Variants in VPS37B observed in about 807,000 individuals in gnomAD.
The protein encoded by VPS37B is vacuolar protein sorting-associated protein 37B.
Under a neutral mutation model 21.2 loss-of-function variants are expected in VPS37B, and 11 were observed. That is an observed-to-expected ratio of 0.52 (90% CI 0.33 to 0.86). The LOEUF (loss-of-function observed/expected upper bound fraction) is 0.86. VPS37B is among the 40% of genes least tolerant of loss of function. VPS37B has a pLI of 0.03. For missense variants in VPS37B, 389 were observed against 374.8 expected, an observed-to-expected ratio of 1.04 and a Z score of -0.31; for synonymous variants, 175 against 159.6, an observed-to-expected ratio of 1.10 and a Z score of -0.73.
rs562398075 is a variant in VPS37B, at chr12:122,894,531, G to A, written c.111+1421C>T. 2.6e-5 allele frequency among the ~76,000 whole-genome samples: 4 copies of A among 152,322 alleles called. No individual in the cohort carries two copies. In the South Asian group the frequency reaches 8.3e-4, roughly 32 times the overall value. ...TCCCTCTTCGGAAAGAAAGCCAAAA[G>A]CCCCCACACGGGCTCCTGGGTGAGA... On this transcript the variant is annotated intron_variant, in intron 1 of 3. Transcript: ENST00000267202.
At chr12:122,870,176 G>A (rs2033997190) in intron 2 of VPS37B, 1 of 151,918 alleles carries the variant, frequency 6.6e-6, no homozygotes, top group African/African-American at 2.4e-5. Context: ...AATTTAAAAA[G>A]TGGTTAAGTC....
chr12:122,883,793 C>G (rs1189357118), intron 1 of VPS37B: 3 of 152,236 alleles, frequency 2.0e-5, no homozygotes, highest in Admixed American at 2.0e-4. Context: ...GACATATTTT[C>G]TAATACTCAG....
At chr12:122,892,773 G>A (rs1273080784) in intron 1 of VPS37B, among the ~76,000 whole-genome samples, 2 of 152,128 alleles carry the variant, frequency 1.3e-5, no homozygotes, top group Non-Finnish European at 2.9e-5. Flanking sequence ...AAAATTAGCC[G>A]GTGGCAGCGG....
chr12:122,875,792 T>C (rs1285503734), intron 1 of VPS37B: 1 of 145,666 alleles, frequency 6.9e-6, no homozygotes, highest in East Asian at 2.0e-4. Flanking sequence ...TGTGACCAAA[T>C]CTGTACAGTA....
rs183176884 is a variant in VPS37B, at chr12:122,892,446, T to C, written c.111+3506A>G. ...CACATTTTCCAGCCTCCACAAAATA[T>C]CCCCTCAGGCTTAAAGAAGCCTTAC... On this transcript the variant is annotated intron_variant, in intron 1 of 3. Transcript: ENST00000267202. 5.3e-5 allele frequency among the ~76,000 whole-genome samples: 8 copies of C among 150,530 alleles called. No individual in the cohort carries two copies. The East Asian group carries it at 1.4e-3, about 26-fold the overall frequency.
Position 122,868,257 on chromosome 12 carries a change from T to C in VPS37B, c.366+223A>G, listed in dbSNP as rs1204408492. On this transcript the variant is annotated intron_variant, in intron 3 of 3. Coordinates refer to ENST00000267202, the MANE Select transcript of VPS37B (RefSeq NM_024667.3). The surrounding 1 kb of genome is among the most constrained non-coding windows in gnomAD (Gnocchi z 5.5). ...ACAGGGTGGCACGCATGCCCTCTCT[T>C]GGCCCTCGCTCGGACCTGCCCTCAC... Among the ~76,000 whole-genome samples, 1 of 151,998 alleles carries C rather than the reference T, an allele frequency of 6.6e-6. No homozygotes were observed. The highest frequency in any genetic ancestry group is 2.4e-5 in the African/African-American group (1 of 41,364).
chr12:122,870,818 G>A, intron 2 of VPS37B, 72 bp downstream of exon 2: 5 of 1,504,714 alleles, frequency 3.3e-6, no homozygotes, highest in Non-Finnish European at 4.5e-6. Context: ...TTCTTTCCTG[G>A]TAGGGCAATA....
chr12:122,866,163 G>C lies in VPS37B; in HGVS notation c.*953C>G. 6.6e-6 allele frequency: 1 copy of C among 152,660 alleles called. No homozygotes were observed. The highest frequency in any genetic ancestry group is 1.9e-4 in the East Asian group (1 of 5,202). 9.5% of individuals were successfully genotyped at this position (152,660 alleles called of 1,614,324 possible). A position where few individuals can be genotyped will look rare whatever the true frequency, so the allele number is the denominator to read the frequency against. On this transcript the variant is annotated 3_prime_UTR_variant, in exon 4 of 4. Transcript: ENST00000267202. Reference sequence around the variant, plus strand: ...CAGCCCCTAGCAGGTGTGAGTCCCGGCACCTGGGGAAGCTAAGGCACAGCA... The same window carrying C: ...CAGCCCCTAGCAGGTGTGAGTCCCGCCACCTGGGGAAGCTAAGGCACAGCA...
At chr12:122,873,478 A>G (rs1201115865) in intron 1 of VPS37B, 3 of 152,106 alleles carry the variant, frequency 2.0e-5, no homozygotes, top group Non-Finnish European at 2.9e-5. Context: ...ATCACTCTCA[A>G]TCAATCATTT....
In VPS37B at chr12:122,895,987, C is replaced by A; in HGVS notation, c.76G>T (p.Gly26Cys). The A allele has an allele frequency of 6.2e-7, 1 of 1,608,752 alleles. No homozygotes were observed. Among genetic ancestry groups the A allele is most frequent in the Non-Finnish European group, 8.5e-7 (1 of 1,178,072 alleles). ...TTCTGCACCATCTCCGTCAGCTGGC[C>A]CTCGTCCTCCAGCAGCTCGTTGAGC... ...VQLNELLEDE[G>C]QLTEMVQKME... Residue 26 changes from glycine (G) to cysteine (C), a missense_variant, in exon 1 of 4, where the codon GGC becomes TGC. By Grantham distance (159) the Gly-to-Cys change is radical. Transcript: ENST00000267202.
chr12:122,869,559 A>G (rs1593905947), intron 2 of VPS37B, among the ~76,000 whole-genome samples: 1 of 152,260 alleles, frequency 6.6e-6, no homozygotes. Context: ...AAATGACAAG[A>G]TGATAGCAAG....
Position 122,867,019 on chromosome 12 carries a change from G to A in VPS37B, c.*97C>T. 1.4e-6 allele frequency: 2 copies of A among 1,390,172 alleles called. No homozygotes were observed. Among genetic ancestry groups the A allele is most frequent in the East Asian group, 5.3e-5 (2 of 37,572 alleles). 86.1% of individuals were successfully genotyped at this position (1,390,172 alleles called of 1,614,324 possible). ...ACAGACACGCTGGCCCAGGGCCCCA[G>A]AGCCCTTGGCACAGAGCGGACCTCC... On this transcript the variant is annotated 3_prime_UTR_variant, in exon 4 of 4. Coordinates refer to ENST00000267202, the MANE Select transcript of VPS37B (RefSeq NM_024667.3). This position sits in a 1 kb window ranked among gnomAD's most constrained non-coding sequence, Gnocchi z 5.5.
chr12:122,885,216 GA>G (rs2034303592), intron 1 of VPS37B: 1 of 150,006 alleles, frequency 6.7e-6, no homozygotes. Flanking sequence ...TAGGGGATCA[GA>G]TATTTTACCT....
At chr12:122,893,823 CA>C (rs67994180) in intron 1 of VPS37B, among the ~76,000 whole-genome samples, 7,180 of 134,588 alleles carry the variant, frequency 0.053, 168 homozygotes, top group African/African-American at 0.096. Context: ...CACTTTTACT[CA>C]AAAAAAAAAA....
intron 1 of VPS37B, chr12:122,883,497 C>T (rs1332450851): frequency 1.3e-5 from 2 of 151,918 alleles, no homozygotes; most frequent in East Asian, 3.9e-4. Context: ...TTTCTTTTTT[C>T]TTTTTTTTGA....
intron 1 of VPS37B, chr12:122,883,288 C>T (rs1462951064): frequency 6.6e-6 from 1 of 152,210 alleles, no homozygotes; most frequent in African/African-American, 2.4e-5. Flanking sequence ...CTCAAACGAT[C>T]CCCTCCATAT....
Position 122,868,591 on chromosome 12 carries a change from A to C in VPS37B, c.284-29T>G. ...GAAAAAAAGCAAGAGGTATGACAAAAGTGAGAGGTGTCCAGGTAAAGCCCT... is the reference window on the plus strand; with the variant it reads ...GAAAAAAAGCAAGAGGTATGACAAACGTGAGAGGTGTCCAGGTAAAGCCCT... On this transcript the variant is annotated intron_variant, in intron 2 of 3. Coordinates refer to ENST00000267202, the MANE Select transcript of VPS37B (RefSeq NM_024667.3). This position sits in a 1 kb window ranked among gnomAD's most constrained non-coding sequence, Gnocchi z 5.5. 1 of 1,600,012 alleles carries C rather than the reference A, an allele frequency of 6.2e-7. No homozygotes were observed. The highest frequency in any genetic ancestry group is 8.5e-7 in the Non-Finnish European group (1 of 1,170,536).
At chr12:122,890,337 CTT>C (rs1169226130) in intron 1 of VPS37B, among the ~76,000 whole-genome samples, 22 of 141,228 alleles carry the variant, frequency 1.6e-4, no homozygotes, top group African/African-American at 2.8e-4. Flanking sequence ...TCACACGTGG[CTT>C]TTTTTTTTTT....
chr12:122,893,823 CAAAAAAA>C lies in VPS37B; in HGVS notation c.111+2122_111+2128del, dbSNP rs67994180. On this transcript the variant is annotated intron_variant, in intron 1 of 3. Coordinates refer to ENST00000267202, the MANE Select transcript of VPS37B (RefSeq NM_024667.3). ...TTCAGGTATGAAGGTCACTTTTACTCAAAAAAAAAAAAAAAAAAAAAAAATCCTGCCA... is the reference window on the plus strand; with the variant it reads ...TTCAGGTATGAAGGTCACTTTTACTCAAAAAAAAAAAAAAAAATCCTGCCA... 3.8e-3 allele frequency among the ~76,000 whole-genome samples: 507 copies of C among 134,968 alleles called. 1 individual carries two copies. Among genetic ancestry groups the C allele is most frequent in the East Asian group, 0.013 (61 of 4,642 alleles). 88.5% of individuals were successfully genotyped at this position (134,968 alleles called of 152,430 possible).
Sources: gnomAD v4.1 joint callset for allele counts (sites outside exome capture counted in the v4.1 genomes callset) on GRCh38, gnomAD v4.1.1 for gene constraint, Gnocchi (gnomAD v3.1) non-coding constraint, MANE v1.5 for transcripts, NCBI Gene and HGNC (gene_info 2026-07-23, HGNC 2026-07-21) for gene names.